The following MICOS13 variants were observed in gnomAD, a reference collection of about 807,000 sequenced individuals.
MICOS13 encodes MICOS complex subunit MIC13.
In MICOS13, 15 loss-of-function variants were observed where a neutral mutation model predicts 16.1. The ratio of observed to expected loss-of-function variants is 0.93; its 90% CI spans 0.62 to 1.44. The LOEUF (loss-of-function observed/expected upper bound fraction) is 1.44, where lower values mean the gene tolerates loss of function less well. Among genes scored for constraint, MICOS13 ranks in the 40% most tolerant of loss-of-function variants. The pLI, the probability that MICOS13 is intolerant of heterozygous loss-of-function variation, is 0.00. For synonymous variants in MICOS13, 61 were observed against 62.6 expected, an observed-to-expected ratio of 0.97 and a Z score of 0.12; for missense variants, 164 against 155.0, an observed-to-expected ratio of 1.06 and a Z score of -0.31.
Position 5,679,649 on chromosome 19 carries a change from G to T in MICOS13, c.144C>A (p.Val48=). ...QAALQKAGEV[V]PPAMYQFSQY... is the part of the protein sequence containing the mutation. Reference sequence around the variant, plus strand: ...GGCTGAACTGGTACATGGCGGGGGGGACCACCTCCCCAGCCTTCTGTAGGG... The same window carrying T: ...GGCTGAACTGGTACATGGCGGGGGGTACCACCTCCCCAGCCTTCTGTAGGG... The change falls in exon 2 of 4, where the codon GTC becomes GTA. Residue 48 remains valine (V), a synonymous_variant. Transcript: ENST00000309324. 1.9e-6 allele frequency: 3 copies of T among 1,610,874 alleles called. No individual in the cohort carries two copies. Among genetic ancestry groups the T allele is most frequent in the Non-Finnish European group, 2.5e-6 (3 of 1,179,272 alleles).
Position 5,678,547 on chromosome 19 carries a change from C to G in MICOS13, c.*4G>C. 3.9e-6 allele frequency: 6 copies of G among 1,548,662 alleles called. No homozygotes were observed. Among genetic ancestry groups the G allele is most frequent in the Non-Finnish European group, 5.2e-6 (6 of 1,146,662 alleles). On this transcript the variant is annotated 3_prime_UTR_variant, in exon 4 of 4. Coordinates refer to ENST00000309324, the MANE Select transcript of MICOS13 (RefSeq NM_205767.3). ...GGCCGGGGCAGGCGGCCCCTGCTGACTCGCTACTTGGTGCGCGCCTTCACA... is the reference window on the plus strand; with the variant it reads ...GGCCGGGGCAGGCGGCCCCTGCTGAGTCGCTACTTGGTGCGCGCCTTCACA...
chr19:5,680,253 G>C lies in MICOS13; in HGVS notation c.29+205C>G, dbSNP rs1343860139. The stretch of plus-strand genomic sequence containing the variant: ...GCGAACTGAACGCCAAGGGCTCGCT[G>C]GGAAGCAGGAGGGAGGGGATTGGCG... On this transcript the variant is annotated intron_variant, in intron 1 of 3. Coordinates refer to ENST00000309324, the MANE Select transcript of MICOS13 (RefSeq NM_205767.3). 1.9e-6 allele frequency: 3 copies of C among 1,572,808 alleles called. No individual in the cohort carries two copies. The Admixed American group carries it at 5.6e-5, about 29-fold the overall frequency.
Position 5,678,444 on chromosome 19 carries a change from G to T in MICOS13, c.*107C>A. ...GAACACTTCTGAAGTCCTTTATTGG[G>T]CCGGCAAGGCCGGGAGCTGCCCTCG... On this transcript the variant is annotated 3_prime_UTR_variant, in exon 4 of 4. Transcript: ENST00000309324. 9.2e-7 allele frequency: 1 copy of T among 1,090,170 alleles called. No individual in the cohort carries two copies. The highest frequency in any genetic ancestry group is 1.3e-6 in the Non-Finnish European group (1 of 752,388). 67.5% of individuals were successfully genotyped at this position (1,090,170 alleles called of 1,614,324 possible).
At position 5,679,147 on chromosome 19, in the gene MICOS13, G is replaced by C. The variant is rs573031583; in HGVS notation, c.259+198C>G. The C allele has an allele frequency of 2.7e-5, 16 of 587,210 alleles. No homozygotes were observed. In the African/African-American group the frequency reaches 3.0e-4, roughly 11 times the overall value. 36.4% of individuals were successfully genotyped at this position (587,210 alleles called of 1,614,324 possible). A position where few individuals can be genotyped will look rare whatever the true frequency, so the allele number is the denominator to read the frequency against. On this transcript the variant is annotated intron_variant, in intron 3 of 3. Coordinates refer to ENST00000309324, the MANE Select transcript of MICOS13 (RefSeq NM_205767.3). ...GGCTGGTCTCGAACTCCTGACTTCA[G>C]ATGATCCGCCCACCTCAGCCTCCCA...
Position 5,678,559 on chromosome 19 carries a change from T to C in MICOS13, c.349A>G (p.Thr117Ala). 1 of 1,549,068 alleles carries C rather than the reference T, an allele frequency of 6.5e-7. No individual in the cohort carries two copies. Among genetic ancestry groups the C allele is most frequent in the Non-Finnish European group, 8.7e-7 (1 of 1,146,716 alleles). The change falls in exon 4 of 4, where the codon ACC becomes GCC. Residue 117 changes from threonine (T) to alanine (A), a missense_variant. Thr to Ala is a moderately conservative substitution (Grantham distance 58). Coordinates refer to ENST00000309324, the MANE Select transcript of MICOS13 (RefSeq NM_205767.3). ...KEGWEYVKARTK is the reference protein window; with the variant it reads ...KEGWEYVKARAK ...CGGCCCCTGCTGACTCGCTACTTGG[T>C]GCGCGCCTTCACATACTCCCAGCCC...
At chr19:5,678,951 C>A in intron 3 of MICOS13, 1 of 380,412 alleles carries the variant, frequency 2.6e-6, no homozygotes, top group Non-Finnish European at 4.8e-6. Flanking sequence ...CCCTGTCGCC[C>A]AGGCTGGAGT....
rs1383896192 is a variant in MICOS13 at position 5,679,384 on chromosome 19, G to A, written c.220C>T (p.Pro74Ser). 1.9e-6 allele frequency: 3 copies of A among 1,613,662 alleles called. No homozygotes were observed. In the South Asian group the frequency reaches 3.3e-5, roughly 18 times the overall value. ...GLQIPQLPAPPKIYFPIRDSW... is the reference protein window; with the variant it reads ...GLQIPQLPAPSKIYFPIRDSW... ...TCACGGATGGGAAAGTAAATCTTTG[G>A]AGGGGCTGGGAGCTGGGAAAAAGAG... Residue 74 changes from proline (P) to serine (S), a missense_variant, in exon 3 of 4, where the codon CCA becomes TCA. By Grantham distance (74) the Pro-to-Ser change is moderately conservative. Transcript: ENST00000309324.
At chr19:5,679,060 C>T in intron 3 of MICOS13, 2 of 419,394 alleles carry the variant, frequency 4.8e-6, no homozygotes, top group South Asian at 5.3e-5. Flanking sequence ...TACAGGTGTG[C>T]ACCACCACGC....
chr19:5,679,989 G>A, intron 1 of MICOS13: 4 of 1,475,946 alleles, frequency 2.7e-6, no homozygotes, highest in Non-Finnish European at 3.6e-6. Context: ...CTGAAACCCA[G>A]AGGGGGAGAG....
intron 3 of MICOS13, 46 bp from the exon 4 acceptor site, chr19:5,678,694 A>C: frequency 4.6e-6 from 5 of 1,086,506 alleles, no homozygotes; most frequent in Middle Eastern, 2.5e-4. Context: ...TCCCAGCCTC[A>C]CCCAGCCTCC....
intron 3 of MICOS13, 107 bp from the exon 4 acceptor site, chr19:5,678,755 G>A: frequency 1.6e-6 from 1 of 611,186 alleles, no homozygotes; most frequent in Non-Finnish European, 2.7e-6. Flanking sequence ...GGTGGGTGGG[G>A]GGCGGGGATG....
Position 5,678,422 on chromosome 19 carries a change from C to T in MICOS13, c.*129G>A. 3 of 876,846 alleles carry T rather than the reference C, an allele frequency of 3.4e-6. No homozygotes were observed. The highest frequency in any genetic ancestry group is 3.5e-6 in the Non-Finnish European group (2 of 574,256). The allele number at this position is 876,846 out of a possible 1,614,324, so 54.3% of individuals were successfully genotyped here. A position where few individuals can be genotyped will look rare whatever the true frequency, so the allele number is the denominator to read the frequency against. On this transcript the variant is annotated 3_prime_UTR_variant, in exon 4 of 4. Transcript: ENST00000309324. The stretch of plus-strand genomic sequence containing the variant: ...TGGGGCCAGCACACGGGTCAGGGAA[C>T]ACTTCTGAAGTCCTTTATTGGGCCG...
At chr19:5,678,723 GA>G in intron 3 of MICOS13, 75 bp from the exon 4 acceptor site, 1 of 689,182 alleles carries the variant, frequency 1.5e-6, no homozygotes. Flanking sequence ...GGAAACTCTA[GA>G]GTTTGTTTTG....
At chr19:5,680,422 T>A in intron 1 of MICOS13, 36 bp downstream of exon 1, 1 of 1,613,124 alleles carries the variant, frequency 6.2e-7, no homozygotes, top group Non-Finnish European at 8.5e-7. Flanking sequence ...ATGGACTTTT[T>A]CGGGGACTCG....
At position 5,678,596 on chromosome 19, in the gene MICOS13, C is replaced by T. The variant is rs2054474126; in HGVS notation, c.312G>A (p.Glu104=). The T allele has an allele frequency of 6.5e-7, 1 of 1,548,750 alleles. No homozygotes were observed. Among genetic ancestry groups the T allele is most frequent in the Non-Finnish European group, 8.7e-7 (1 of 1,146,174 alleles). Residue 104 remains glutamate, a synonymous_variant, in exon 4 of 4, where the codon GAG becomes GAA. Coordinates refer to ENST00000309324, the MANE Select transcript of MICOS13 (RefSeq NM_205767.3). Reference sequence around the variant, plus strand: ...CATACTCCCAGCCCTCCTTGGAGTACTCGCGGGCCTTGGAGGGGGCCACCG... The same window carrying T: ...CATACTCCCAGCCCTCCTTGGAGTATTCGCGGGCCTTGGAGGGGGCCACCG... ...ALSVAPSKAR[E]YSKEGWEYVK...
chr19:5,680,039 G>T lies in MICOS13; in HGVS notation c.30-276C>A, dbSNP rs1204040522. The T allele has an allele frequency of 2.6e-6, 4 of 1,514,504 alleles. No homozygotes were observed. In the East Asian group the frequency reaches 9.8e-5, roughly 37 times the overall value. 93.8% of individuals were successfully genotyped at this position (1,514,504 alleles called of 1,614,324 possible). A position where few individuals can be genotyped will look rare whatever the true frequency, so the allele number is the denominator to read the frequency against. ...TCCCACAGTGAGCAGGGGCAGTGAAGACGTAAGATCTTGACCTTCTAGAAG... is the reference window on the plus strand; with the variant it reads ...TCCCACAGTGAGCAGGGGCAGTGAATACGTAAGATCTTGACCTTCTAGAAG... On this transcript the variant is annotated intron_variant, in intron 1 of 3. Coordinates refer to ENST00000309324, the MANE Select transcript of MICOS13 (RefSeq NM_205767.3).
intron 3 of MICOS13, 49 bp downstream of exon 3, chr19:5,679,296 G>T (rs766774083): frequency 1.9e-4 from 291 of 1,548,540 alleles, no homozygotes; most frequent in Non-Finnish European, 2.5e-4. Flanking sequence ...GTGGGGAGAG[G>T]GGCTAGACTG....
intron 1 of MICOS13, 160 bp downstream of exon 1, chr19:5,680,298 C>G: frequency 6.2e-7 from 1 of 1,609,718 alleles, no homozygotes; most frequent in Non-Finnish European, 8.5e-7. Flanking sequence ...AGCCCCGCCC[C>G]TCTGAAGCCT....
chr19:5,678,496 A>T lies in MICOS13; in HGVS notation c.*55T>A. ...AGTGGGGTCCCAGTCCGGAGTCTTC[A>T]GGTCAGTGGCAGCCCTGCCCGTTCT... On this transcript the variant is annotated 3_prime_UTR_variant, in exon 4 of 4. Transcript: ENST00000309324. The T allele has an allele frequency of 1.4e-6, 2 of 1,480,662 alleles. No individual in the cohort carries two copies. Among genetic ancestry groups the T allele is most frequent in the Non-Finnish European group, 1.8e-6 (2 of 1,088,404 alleles). The allele number at this position is 1,480,662 out of a possible 1,614,324, so 91.7% of individuals were successfully genotyped here. A position where few individuals can be genotyped will look rare whatever the true frequency, so the allele number is the denominator to read the frequency against.
Sources: allele counts gnomAD v4.1 joint callset, GRCh38; gene constraint gnomAD v4.1.1; transcripts MANE v1.5; gene names NCBI Gene and HGNC (gene_info 2026-07-23, HGNC 2026-07-21).